The following CCDC69 variants were observed in gnomAD, a reference collection of about 807,000 sequenced individuals.
CCDC69 encodes the protein coiled-coil domain containing 69.
Under a neutral mutation model 40.3 loss-of-function variants are expected in CCDC69, and 38 were observed. That is an observed-to-expected ratio of 0.94 (90% CI 0.73 to 1.24). The LOEUF (loss-of-function observed/expected upper bound fraction) is 1.24. Ranked by LOEUF, CCDC69 falls within the 50% of genes most tolerant of loss-of-function variation. The probability of loss-of-function intolerance (pLI) is 0.00; values close to 1 mark genes in which losing one functional copy is unlikely to be tolerated. For synonymous variants in CCDC69, 141 were observed against 138.9 expected (o/e 1.02, Z -0.11); for missense variants, 389 against 357.9 (o/e 1.09, Z -0.70).
At position 151,185,484 on chromosome 5, in the gene CCDC69, T is replaced by A; in HGVS notation, c.553A>T (p.Ile185Phe). The A allele has an allele frequency of 6.2e-7, 1 of 1,614,090 alleles. No individual in the cohort carries two copies. Among genetic ancestry groups the A allele is most frequent in the Non-Finnish European group, 8.5e-7 (1 of 1,179,940 alleles). ...TGAATACGCTCATTCTTCATCTCGATGACAAAGTGTAAGCTCTCCAGCTCC... is the reference window on the plus strand; with the variant it reads ...TGAATACGCTCATTCTTCATCTCGAAGACAAAGTGTAAGCTCTCCAGCTCC... ...EQELESLHFVIEMKNERIHEL... is the reference protein window; with the variant it reads ...EQELESLHFVFEMKNERIHEL... Residue 185 changes from isoleucine to phenylalanine, a missense_variant, in exon 7 of 9, where the codon ATC (isoleucine) becomes TTC (phenylalanine). Ile to Phe is a conservative substitution (Grantham distance 21). Transcript: ENST00000355417.
chr5:151,186,178 G>T, intron 5 of CCDC69, 54 bp from the exon 6 acceptor site: 2 of 1,240,664 alleles, frequency 1.6e-6, no homozygotes, highest in Non-Finnish European at 2.4e-6. Context: ...AAATGCTGTA[G>T]GTGAACTTCG....
intron 1 of CCDC69, among the ~76,000 whole-genome samples, chr5:151,219,641 C>T (rs1335207917): frequency 2.6e-5 from 4 of 152,102 alleles, no homozygotes; most frequent in Non-Finnish European, 5.9e-5. Flanking sequence ...TACAGATAGT[C>T]ATACTCACAT....
At position 151,183,631 on chromosome 5, in the gene CCDC69, A is replaced by T; in HGVS notation, c.714-17T>A. 1 of 1,591,864 alleles carries T rather than the reference A, an allele frequency of 6.3e-7. No homozygotes were observed. Among genetic ancestry groups the T allele is most frequent in the Non-Finnish European group, 8.6e-7 (1 of 1,168,074 alleles). On this transcript the variant is annotated splice_polypyrimidine_tract_variant and intron_variant, in intron 8 of 8. Coordinates refer to ENST00000355417, the MANE Select transcript of CCDC69 (RefSeq NM_015621.3). ...GACAGCTGCCTGTGGATGCACACAG[A>T]GCCCAGGGTTGCCTACTGGGAGCAG...
chr5:151,182,891 T>TC lies in CCDC69; in HGVS notation c.*545dup. 5.4e-6 allele frequency: 2 copies of TC among 367,936 alleles called. No individual in the cohort carries two copies. Among genetic ancestry groups the TC allele is most frequent in the Non-Finnish European group, 5.4e-6 (1 of 184,206 alleles). The allele number at this position is 367,936 out of a possible 1,614,324, so 22.8% of individuals were successfully genotyped here. A position where few individuals can be genotyped will look rare whatever the true frequency, so the allele number is the denominator to read the frequency against. ...TCTGATTTGCGGGGTTTGTCCACAC[T>TC]CCCCCCAACCCCTACTCTGGCCTTC... On this transcript the variant is annotated 3_prime_UTR_variant, in exon 9 of 9. Transcript: ENST00000355417.
chr5:151,201,730 C>A lies in CCDC69; in HGVS notation c.125-42G>T, dbSNP rs748959649. ...AAAAAAATAAAAATAAAAAAACTCA[C>A]AGAGTGGAAGTACAGTCAGAGCTGG... On this transcript the variant is annotated intron_variant, in intron 2 of 8. Transcript: ENST00000355417. 12 of 1,359,832 alleles carry A rather than the reference C, an allele frequency of 8.8e-6. No individual in the cohort carries two copies. In the African/African-American group the frequency reaches 1.3e-4, roughly 15 times the overall value. 84.2% of individuals were successfully genotyped at this position (1,359,832 alleles called of 1,614,324 possible). A position where few individuals can be genotyped will look rare whatever the true frequency, so the allele number is the denominator to read the frequency against.
intron 1 of CCDC69, among the ~76,000 whole-genome samples, chr5:151,207,810 TA>T (rs57093318): frequency 0.063 from 9,473 of 151,470 alleles, 283 homozygotes; most frequent in East Asian, 0.1. Context: ...AGGATTTGGG[TA>T]AAAAAAATTT....
chr5:151,185,309 G>A, intron 7 of CCDC69, 113 bp downstream of exon 7: 1 of 1,232,284 alleles, frequency 8.1e-7, no homozygotes, highest in Non-Finnish European at 1.1e-6. Context: ...CAAAGCTGGA[G>A]TGAACTAGGC....
intron 6 of CCDC69, 69 bp from the exon 7 acceptor site, chr5:151,185,610 T>G: frequency 1.3e-6 from 2 of 1,538,412 alleles, no homozygotes; most frequent in Non-Finnish European, 1.8e-6. Context: ...TGCCAGCAAC[T>G]CATTGTTGGA....
chr5:151,219,342 C>A (rs1388815623), intron 1 of CCDC69, among the ~76,000 whole-genome samples: 1 of 152,072 alleles, frequency 6.6e-6, no homozygotes, highest in Non-Finnish European at 1.5e-5. Context: ...CTAAACCCAG[C>A]CAAGATGCTG....
chr5:151,206,149 G>A (rs1752850938), intron 1 of CCDC69, among the ~76,000 whole-genome samples: 2 of 152,144 alleles, frequency 1.3e-5, no homozygotes, highest in Non-Finnish European at 2.9e-5. Context: ...TTGCTGGAGT[G>A]GCTCACAGAA....
At position 151,185,296 on chromosome 5, in the gene CCDC69, G is replaced by A. The variant is rs1396677686; in HGVS notation, c.615+126C>T. The A allele has an allele frequency of 4.7e-6, 5 of 1,060,986 alleles. No homozygotes were observed. The African/African-American group carries it at 6.3e-5, about 13-fold the overall frequency. 65.7% of individuals were successfully genotyped at this position (1,060,986 alleles called of 1,614,324 possible). A position where few individuals can be genotyped will look rare whatever the true frequency, so the allele number is the denominator to read the frequency against. Reference sequence around the variant, plus strand: ...TGCTCAGTGGTCAGCACAGGTGGCAGGTCAAAGCTGGAGTGAACTAGGCTG... The same window carrying A: ...TGCTCAGTGGTCAGCACAGGTGGCAAGTCAAAGCTGGAGTGAACTAGGCTG... On this transcript the variant is annotated intron_variant, in intron 7 of 8. Transcript: ENST00000355417.
At position 151,184,645 on chromosome 5, in the gene CCDC69, TA is replaced by T. The variant is rs57392803; in HGVS notation, c.616-205del. 1.6e-3 allele frequency: 768 copies of T among 488,108 alleles called. 3 individuals are homozygous for T. Among genetic ancestry groups the T allele is most frequent in the African/African-American group, 8.3e-3 (430 of 51,844 alleles). The allele number at this position is 488,108 out of a possible 1,614,324, so 30.2% of individuals were successfully genotyped here. The stretch of plus-strand genomic sequence containing the variant: ...GCGGCTTTTTGCCACAGGAGAATGG[TA>T]AAAAAAAATTACAGGCCCTACCATC... On this transcript the variant is annotated intron_variant, in intron 7 of 8. Transcript: ENST00000355417.
At chr5:151,194,515 A>C (rs549933288) in intron 4 of CCDC69, among the ~76,000 whole-genome samples, 1 of 152,352 alleles carries the variant, frequency 6.6e-6, no homozygotes, top group Admixed American at 6.5e-5. Context: ...GGGTGGGAGA[A>C]GGATGTGAAT....
Position 151,214,298 on chromosome 5 carries a change from G to A in CCDC69, c.49-8823C>T, listed in dbSNP as rs1753001504. ...AAGTAACCACAGTCAGAGCCTATTG[G>A]CCGAGGGTAGAGGCAGGAAGGAGGC... On this transcript the variant is annotated intron_variant, in intron 1 of 8. Transcript: ENST00000355417. Among the ~76,000 whole-genome samples, 5 of 152,208 alleles carry A rather than the reference G, an allele frequency of 3.3e-5. 1 individual carries two copies. The highest frequency in any genetic ancestry group is 3.3e-4 in the Admixed American group (5 of 15,280).
intron 4 of CCDC69, among the ~76,000 whole-genome samples, chr5:151,198,513 C>A (rs1194680652): frequency 1.3e-5 from 2 of 152,196 alleles, no homozygotes; most frequent in Non-Finnish European, 2.9e-5. Context: ...CAATGCCCAG[C>A]CAAGAATGAG....
rs1766617861 is a variant in CCDC69, at chr5:151,181,089, T to C, written c.*2348A>G. On this transcript the variant is annotated 3_prime_UTR_variant, in exon 9 of 9. Coordinates refer to ENST00000355417, the MANE Select transcript of CCDC69 (RefSeq NM_015621.3). ...TGTTCTTTTTAGTTTCCATACATCG[T>C]CTGTCCCAGAGTGAGGAGAAGTTGA... 1 of 152,194 alleles carries C rather than the reference T, an allele frequency of 6.6e-6. No individual in the cohort carries two copies. The highest frequency in any genetic ancestry group is 6.5e-5 in the Admixed American group (1 of 15,284). 9.4% of individuals were successfully genotyped at this position (152,194 alleles called of 1,614,324 possible). A position where few individuals can be genotyped will look rare whatever the true frequency, so the allele number is the denominator to read the frequency against.
rs750962797 is a variant in CCDC69, at chr5:151,183,587, CG to C, written c.740del (p.Thr247SerfsTer161). On this transcript the variant is annotated frameshift_variant, in exon 9 of 9. Coordinates refer to ENST00000355417, the MANE Select transcript of CCDC69 (RefSeq NM_015621.3). LOFTEE classifies it high-confidence loss of function. ...GCACCTCCTTCTCCAGGGCCTCACG[CG>C]TGAGAAGCAGGTCTTCTGACAGCTG... Reference protein sequence around the residue: ...SRQLSEDLLLTREALEKEVQL... With the variant: ...SRQLSEDLLLXREALEKEVQL... 8.1e-6 allele frequency: 13 copies of C among 1,612,104 alleles called. No individual in the cohort carries two copies. The highest frequency in any genetic ancestry group is 8.5e-6 in the Non-Finnish European group (10 of 1,179,224).
chr5:151,182,856 C>A lies in CCDC69; in HGVS notation c.*581G>T. The A allele has an allele frequency of 2.8e-6, 1 of 357,380 alleles. No individual in the cohort carries two copies. Among genetic ancestry groups the A allele is most frequent in the South Asian group, 2.1e-5 (1 of 48,366 alleles). The allele number at this position is 357,380 out of a possible 1,614,324, so 22.1% of individuals were successfully genotyped here. On this transcript the variant is annotated 3_prime_UTR_variant, in exon 9 of 9. Coordinates refer to ENST00000355417, the MANE Select transcript of CCDC69 (RefSeq NM_015621.3). Reference sequence around the variant, plus strand: ...TCAGAGACCCCCTCTCTACCACTCACCTTCCCCACTCTGATTTGCGGGGTT... The same window carrying A: ...TCAGAGACCCCCTCTCTACCACTCAACTTCCCCACTCTGATTTGCGGGGTT...
chr5:151,213,716 C>T (rs569217771), intron 1 of CCDC69, among the ~76,000 whole-genome samples: 131 of 152,308 alleles, frequency 8.6e-4, no homozygotes, highest in Middle Eastern at 3.4e-3. Flanking sequence ...TGAGCTAGCC[C>T]TCTTTGGGAG....
Sources: gnomAD v4.1 joint callset for allele counts (sites outside exome capture counted in the v4.1 genomes callset) on GRCh38, gnomAD v4.1.1 for gene constraint, MANE v1.5 for transcripts, NCBI Gene and HGNC (gene_info 2026-07-23, HGNC 2026-07-21) for gene names.